ZC3H12B: variants seen among roughly 807,000 people sequenced by gnomAD.
The protein encoded by ZC3H12B is zinc finger CCCH-type containing 12B.
Under a neutral mutation model 43.9 loss-of-function variants are expected in ZC3H12B, and 7 were observed. The observed-to-expected ratio is 0.16, with a 90% confidence interval of 0.09 to 0.30. ZC3H12B has a LOEUF of 0.30. Ranked by LOEUF, ZC3H12B falls within the 10% of genes least tolerant of loss-of-function variation. The pLI, the probability that ZC3H12B is intolerant of heterozygous loss-of-function variation, is 1.00. For missense variants in ZC3H12B, 475 were observed against 670.2 expected, an observed-to-expected ratio of 0.71 and a Z score of 3.22; for synonymous variants, 222 against 241.7, an observed-to-expected ratio of 0.92 and a Z score of 0.76.
At chrX:65,322,566 A>G in the ZC3H12B span, among the ~76,000 whole-genome samples, 1 of 111,779 alleles carries the variant, frequency 8.9e-6, no homozygotes, top group African/African-American at 3.3e-5. Context: ...GTATGGATTT[A>G]CTTATTGGTT....
the ZC3H12B span, among the ~76,000 whole-genome samples, chrX:65,102,319 C>T: frequency 2.4e-4 from 27 of 111,564 alleles, no homozygotes; most frequent in African/African-American, 6.2e-4. Context: ...CTTTGAAAAC[C>T]GGCACAAGAC....
intron 3 of ZC3H12B, 59 bp from the exon 9 acceptor site, chrX:65,499,824 C>G: frequency 2.0e-6 from 2 of 981,788 alleles, no homozygotes; most frequent in South Asian, 2.0e-5. Context: ...AATCTGAACT[C>G]CTAGTAAGGA....
chrX:65,036,995 T>G, the ZC3H12B span, among the ~76,000 whole-genome samples: 1 of 110,411 alleles, frequency 9.1e-6, no homozygotes, highest in Non-Finnish European at 1.9e-5. Context: ...AAGTTTTTTT[T>G]TTTTTTTAAA....
At chrX:65,107,932 C>T in the ZC3H12B span, among the ~76,000 whole-genome samples, 1 of 111,752 alleles carries the variant, frequency 8.9e-6, no homozygotes, top group Non-Finnish European at 1.9e-5. Flanking sequence ...GCCTCGTGCT[C>T]CTAGGCTGCA....
At chrX:65,226,581 A>G in the ZC3H12B span, among the ~76,000 whole-genome samples, 2 of 111,809 alleles carry the variant, frequency 1.8e-5, no homozygotes, top group Non-Finnish European at 3.8e-5. Flanking sequence ...AAAGACACAG[A>G]CTGGCAAATT....
chrX:65,306,924 A>G, the ZC3H12B span, among the ~76,000 whole-genome samples: 715 of 112,534 alleles, frequency 6.4e-3, 17 homozygotes, highest in Admixed American at 0.061. Flanking sequence ...GACAAATTAG[A>G]ATATTTTGTG....
chrX:65,043,298 A>T, the ZC3H12B span, among the ~76,000 whole-genome samples: 3 of 110,464 alleles, frequency 2.7e-5, no homozygotes, highest in African/African-American at 9.8e-5. Context: ...TATGTTTCTT[A>T]AAAAAAAGCA....
the ZC3H12B span, among the ~76,000 whole-genome samples, chrX:65,099,404 G>A: frequency 9.0e-6 from 1 of 111,506 alleles, no homozygotes; most frequent in African/African-American, 3.3e-5. Flanking sequence ...ATTCTCAAGT[G>A]GGTCCCTGAC....
At chrX:65,045,636 T>C in the ZC3H12B span, among the ~76,000 whole-genome samples, 380 of 111,707 alleles carry the variant, frequency 3.4e-3, 3 homozygotes, top group African/African-American at 0.012. Context: ...AAATAATCCA[T>C]GGGGATTGGA....
At chrX:65,066,442 C>T in the ZC3H12B span, among the ~76,000 whole-genome samples, 1 of 111,772 alleles carries the variant, frequency 8.9e-6, no homozygotes, top group African/African-American at 3.3e-5. Context: ...CCACTCCAGA[C>T]CCTGTTTCCC....
the ZC3H12B span, among the ~76,000 whole-genome samples, chrX:65,198,418 G>C: frequency 8.9e-6 from 1 of 111,908 alleles, no homozygotes; most frequent in Non-Finnish European, 1.9e-5. Flanking sequence ...TTTCTTGTAG[G>C]ATAGGTCCAG....
the ZC3H12B span, among the ~76,000 whole-genome samples, chrX:65,128,865 C>A: frequency 1.3e-3 from 146 of 111,613 alleles, no homozygotes; most frequent in Non-Finnish European, 2.5e-3. Flanking sequence ...CAGAGGCACT[C>A]CTGCTTTCCA....
At chrX:65,411,138 T>A (rs1178604231) in intron 3 of ZC3H12B, among the ~76,000 whole-genome samples, 1 of 112,257 alleles carries the variant, frequency 8.9e-6, no homozygotes, top group African/African-American at 3.2e-5. Flanking sequence ...AAAAATGAGA[T>A]CCTGTCATTT....
chrX:65,131,692 G>C, the ZC3H12B span, among the ~76,000 whole-genome samples: 1 of 111,700 alleles, frequency 9.0e-6, no homozygotes, highest in Non-Finnish European at 1.9e-5. Flanking sequence ...AGGAAGGAAA[G>C]GAATTGTTGT....
the ZC3H12B span, among the ~76,000 whole-genome samples, chrX:65,298,089 G>C: frequency 8.9e-6 from 1 of 111,940 alleles, no homozygotes; most frequent in Admixed American, 9.5e-5. Context: ...CATTGGCTTA[G>C]GCAAAGACTT....
the ZC3H12B span, among the ~76,000 whole-genome samples, chrX:65,058,196 T>C: frequency 9.0e-6 from 1 of 111,596 alleles, no homozygotes; most frequent in South Asian, 3.8e-4. Flanking sequence ...CTCTGTTTTT[T>C]TCCCGTCTTT....
At chrX:65,404,287 C>T (rs1352891763) in intron 3 of ZC3H12B, among the ~76,000 whole-genome samples, 1 of 111,379 alleles carries the variant, frequency 9.0e-6, no homozygotes, top group East Asian at 2.8e-4. Flanking sequence ...CAGGGAAAAT[C>T]GCCTTCACTA....
At chrX:65,445,734 G>A (rs1329380515) in intron 3 of ZC3H12B, among the ~76,000 whole-genome samples, 2 of 112,331 alleles carry the variant, frequency 1.8e-5, no homozygotes, top group East Asian at 2.8e-4. Context: ...TCTTTCCCTT[G>A]AGGATGGCAT....
the ZC3H12B span, among the ~76,000 whole-genome samples, chrX:65,053,460 G>C: frequency 9.0e-6 from 1 of 111,505 alleles, no homozygotes; most frequent in Non-Finnish European, 1.9e-5. Context: ...AGGCTGCATA[G>C]TATTCCATGG....
Sources: gnomAD v4.1 joint callset for allele counts (sites outside exome capture counted in the v4.1 genomes callset) on GRCh38, gnomAD v4.1.1 for gene constraint, MANE v1.5 for transcripts, NCBI Gene and HGNC (gene_info 2026-07-23, HGNC 2026-07-21) for gene names.